PTPRD: variants seen among roughly 807,000 people sequenced by gnomAD.
The protein encoded by PTPRD is receptor-type tyrosine-protein phosphatase delta.
A neutral mutation model predicts 214.5 loss-of-function variants in PTPRD; 34 were observed. The observed-to-expected ratio is 0.16, with a 90% confidence interval of 0.12 to 0.21. PTPRD has a LOEUF of 0.21. PTPRD is among the 10% of genes least tolerant of loss of function. The probability of loss-of-function intolerance (pLI) is 1.00; values close to 1 mark genes in which losing one functional copy is unlikely to be tolerated. For synonymous variants in PTPRD, 1,128 were observed against 845.7 expected (o/e 1.33, Z -5.79); for missense variants, 2,545 against 2,398.7 (o/e 1.06, Z -1.27).
intron 35 of PTPRD, among the ~76,000 whole-genome samples, chr9:8,424,857 A>G (rs2094562861): frequency 1.3e-5 from 2 of 152,160 alleles, no homozygotes; most frequent in South Asian, 4.1e-4. Context: ...AGTGATATAT[A>G]ATAAAGTTCT....
intron 10 of PTPRD, among the ~76,000 whole-genome samples, chr9:9,047,186 G>A (rs1046662964): frequency 6.6e-6 from 1 of 151,756 alleles, no homozygotes; most frequent in Admixed American, 6.6e-5. Flanking sequence ...AAATACCTAG[G>A]AATTAACCAA....
intron 12 of PTPRD, among the ~76,000 whole-genome samples, chr9:8,726,433 T>C (rs1308993603): frequency 1.3e-5 from 2 of 149,552 alleles, no homozygotes; most frequent in Non-Finnish European, 3.0e-5. Context: ...CAAAAAAATA[T>C]AAAAATTAGC....
At position 8,504,356 on chromosome 9, in the gene PTPRD, T is replaced by A. The variant is rs372682523; in HGVS notation, c.1727A>T (p.Lys576Ile). Reference sequence around the variant, plus strand: ...ACGGAAATAGTATAAGCTGTTTGGTTTCAGTCCTTGCAGCCTATATGATGT... The same window carrying A: ...ACGGAAATAGTATAAGCTGTTTGGTATCAGTCCTTGCAGCCTATATGATGT... ...PGTSYRLQGL[K>I]PNSLYYFRLA... Residue 576 changes from lysine (K) to isoleucine (I), a missense_variant, in exon 23 of 46, where the codon AAA becomes ATA. By Grantham distance (102) the Lys-to-Ile change is moderately radical. Coordinates refer to ENST00000381196, the MANE Select transcript of PTPRD (RefSeq NM_002839.4). 8.7e-6 allele frequency: 14 copies of A among 1,614,066 alleles called. No homozygotes were observed. Among genetic ancestry groups the A allele is most frequent in the Non-Finnish European group, 1.2e-5 (14 of 1,180,014 alleles).
At chr9:10,013,622 C>A (rs190059043) in intron 4 of PTPRD, among the ~76,000 whole-genome samples, 145 of 151,764 alleles carry the variant, frequency 9.6e-4, no homozygotes, top group Non-Finnish European at 1.9e-3. Context: ...TAATTGATGG[C>A]AATTACTACA....
At chr9:9,335,120 T>C (rs1005921478) in intron 9 of PTPRD, among the ~76,000 whole-genome samples, 3 of 152,036 alleles carry the variant, frequency 2.0e-5, no homozygotes, top group Non-Finnish European at 2.9e-5. Flanking sequence ...TTACATCAAC[T>C]GAAAATTTGG....
chr9:9,491,887 C>T (rs1203554660), intron 8 of PTPRD, among the ~76,000 whole-genome samples: 4 of 151,732 alleles, frequency 2.6e-5, no homozygotes, highest in Non-Finnish European at 5.9e-5. Context: ...AGGATGGAAA[C>T]AGTAAAGAGC....
chr9:8,840,930 T>TGTGTTGTTGA (rs2098384965), intron 11 of PTPRD, among the ~76,000 whole-genome samples: 1 of 152,126 alleles, frequency 6.6e-6, no homozygotes, highest in Admixed American at 6.6e-5. Context: ...TCAACAAAGG[T>TGTGTTGTTGA]CAGTGTCATG....
At chr9:10,381,645 A>T (rs1348033216) in intron 2 of PTPRD, among the ~76,000 whole-genome samples, 2 of 151,912 alleles carry the variant, frequency 1.3e-5, no homozygotes, top group African/African-American at 2.4e-5. Flanking sequence ...GGATCACTTT[A>T]TTCTCTCTCT....
chr9:9,489,179 C>G (rs12349549), intron 8 of PTPRD, among the ~76,000 whole-genome samples: 5 of 152,002 alleles, frequency 3.3e-5, no homozygotes, highest in African/African-American at 1.2e-4. Flanking sequence ...ATGACATAGG[C>G]GCAGAAAAAA....
chr9:10,290,466 C>T (rs141638911), intron 3 of PTPRD, among the ~76,000 whole-genome samples: 3 of 152,220 alleles, frequency 2.0e-5, no homozygotes, highest in African/African-American at 7.2e-5. Context: ...CATGAGAAAG[C>T]TGTAGTTGTA....
chr9:8,647,965 T>A (rs984980134), intron 12 of PTPRD, among the ~76,000 whole-genome samples: 1 of 152,216 alleles, frequency 6.6e-6, no homozygotes. Context: ...GTTGCCACCA[T>A]GGGACTTCCC....
chr9:10,573,790 G>C (rs941784395), intron 2 of PTPRD, among the ~76,000 whole-genome samples: 1 of 152,180 alleles, frequency 6.6e-6, no homozygotes, highest in South Asian at 2.1e-4. Flanking sequence ...GTAGGAAAGA[G>C]AAGAAAGGCA....
At chr9:9,251,736 T>C (rs1408363966) in intron 9 of PTPRD, among the ~76,000 whole-genome samples, 1 of 152,076 alleles carries the variant, frequency 6.6e-6, no homozygotes, top group East Asian at 1.9e-4. Context: ...ACTTTGTACA[T>C]TTGAAAGAAG....
At chr9:10,401,185 G>A (rs1051947382) in intron 2 of PTPRD, among the ~76,000 whole-genome samples, 8 of 151,386 alleles carry the variant, frequency 5.3e-5, no homozygotes, top group Admixed American at 3.3e-4. Flanking sequence ...TTCTTTTTCC[G>A]CTTGTTCAAT....
chr9:9,608,952 A>C (rs1312963338), intron 7 of PTPRD, among the ~76,000 whole-genome samples: 1 of 151,922 alleles, frequency 6.6e-6, no homozygotes, highest in African/African-American at 2.4e-5. Context: ...CTTTGTTCTG[A>C]TTCTTTATTT....
At chr9:9,319,691 T>C (rs1004349959) in intron 9 of PTPRD, among the ~76,000 whole-genome samples, 1 of 152,170 alleles carries the variant, frequency 6.6e-6, no homozygotes, top group African/African-American at 2.4e-5. Flanking sequence ...CTGAGTTAAG[T>C]ACTCAAAAAT....
intron 9 of PTPRD, among the ~76,000 whole-genome samples, chr9:9,389,522 T>A (rs894879164): frequency 1.3e-5 from 2 of 151,892 alleles, no homozygotes; most frequent in African/African-American, 4.8e-5. Context: ...ATAATAATAA[T>A]AAAAAAACAT....
intron 5 of PTPRD, among the ~76,000 whole-genome samples, chr9:9,923,210 G>T (rs989476356): frequency 1.3e-5 from 2 of 149,804 alleles, no homozygotes; most frequent in African/African-American, 5.0e-5. Context: ...CTGGGTAAAA[G>T]ATAGTGAGGT....
At chr9:10,417,272 C>G (rs542016803) in intron 2 of PTPRD, among the ~76,000 whole-genome samples, 1 of 152,020 alleles carries the variant, frequency 6.6e-6, no homozygotes, top group East Asian at 2.0e-4. Context: ...TTCTAATAAT[C>G]GACCTGTGTA....
Sources: gnomAD v4.1 joint callset for allele counts (sites outside exome capture counted in the v4.1 genomes callset) on GRCh38, gnomAD v4.1.1 for gene constraint, MANE v1.5 for transcripts, NCBI Gene and HGNC (gene_info 2026-07-23, HGNC 2026-07-21) for gene names.